The following COL28A1 variants were observed in gnomAD, a reference collection of about 807,000 sequenced individuals.
COL28A1 encodes collagen type XXVIII alpha 1 chain, also known as collagen alpha-1(XXVIII) chain.
COL28A1 carries 161 observed loss-of-function variants against 150.2 expected under a neutral mutation model. The observed-to-expected ratio is 1.07, with a 90% CI of 0.94 to 1.22. The LOEUF is 1.22. Among genes scored for constraint, COL28A1 ranks in the 50% most tolerant of loss-of-function variants. The pLI is 0.00. For synonymous variants in COL28A1, 552 were observed against 469.7 expected, an observed-to-expected ratio of 1.18 and a Z score of -2.26; for missense variants, 1,617 against 1,388.3, an observed-to-expected ratio of 1.16 and a Z score of -2.62.
intron 3 of COL28A1, among the ~76,000 whole-genome samples, chr7:7,528,420 G>A (rs1197228570): frequency 1.3e-5 from 2 of 152,136 alleles, no homozygotes; most frequent in Non-Finnish European, 2.9e-5. Context: ...GAACTAAAAT[G>A]TTTCTATGGG....
chr7:7,344,461 C>A, the COL28A1 span, among the ~76,000 whole-genome samples: 2 of 151,950 alleles, frequency 1.3e-5, no homozygotes, highest in Non-Finnish European at 2.9e-5. Context: ...TTATCTCAAC[C>A]TACTTATAGT....
intron 27 of COL28A1, among the ~76,000 whole-genome samples, chr7:7,389,625 A>G (rs1440156347): frequency 6.6e-6 from 1 of 152,238 alleles, no homozygotes; most frequent in Non-Finnish European, 1.5e-5. Flanking sequence ...CTTCCTGTCC[A>G]TGAGCATGGA....
chr7:7,474,476 A>G, intron 15 of COL28A1, 125 bp downstream of exon 15: 1 of 523,216 alleles, frequency 1.9e-6, no homozygotes, highest in Non-Finnish European at 3.4e-6. Context: ...AATATACTAG[A>G]TTTATAATTA....
intron 1 of COL28A1, among the ~76,000 whole-genome samples, chr7:7,534,668 G>C (rs1167882501): frequency 6.6e-6 from 1 of 152,094 alleles, no homozygotes; most frequent in East Asian, 1.9e-4. Flanking sequence ...TAGAAATACT[G>C]GCTTTAAATA....
rs544935370 is a variant in COL28A1, at chr7:7,501,229, G to A, written c.1026+4785C>T. 3.9e-5 allele frequency among the ~76,000 whole-genome samples: 6 copies of A among 152,326 alleles called. No individual in the cohort carries two copies. In the East Asian group the frequency reaches 1.2e-3, roughly 29 times the overall value. The stretch of plus-strand genomic sequence containing the variant: ...GCAGGAATATTATGAACGTCCTAGA[G>A]TAGAACAATGGAAGGAGTTAGGAGA... On this transcript the variant is annotated intron_variant, in intron 11 of 34. Coordinates refer to ENST00000399429, the MANE Select transcript of COL28A1 (RefSeq NM_001037763.3).
chr7:7,360,461 G>A lies in COL28A1; in HGVS notation c.3134C>T (p.Pro1045Leu). ...APEPTWADDL[P>L]ATTSSEATTT... ...GGTGGCCTCAGATGAGGTAGTGGCA[G>A]GCAGATCATCAGCCCACGTTGGCTC... Residue 1045 changes from proline (P) to leucine (L), a missense_variant, in exon 34 of 35, where the codon CCT becomes CTT. Physicochemically the swap from Pro to Leu is moderately conservative, Grantham distance 98. Transcript: ENST00000399429. 6.2e-7 allele frequency: 1 copy of A among 1,609,694 alleles called. No homozygotes were observed. Among genetic ancestry groups the A allele is most frequent in the Non-Finnish European group, 8.5e-7 (1 of 1,178,698 alleles).
At chr7:7,519,794 C>A (rs373683649) in intron 6 of COL28A1, among the ~76,000 whole-genome samples, 1 of 152,110 alleles carries the variant, frequency 6.6e-6, no homozygotes, top group South Asian at 2.1e-4. Context: ...TGGCTGCTAT[C>A]GTTTAAGTAC....
intron 27 of COL28A1, among the ~76,000 whole-genome samples, chr7:7,386,336 T>C (rs1422067961): frequency 6.6e-6 from 1 of 152,220 alleles, no homozygotes; most frequent in Non-Finnish European, 1.5e-5. Context: ...AATGGACATC[T>C]GGCTTCTGCC....
chr7:7,419,784 T>G (rs1385721443), intron 26 of COL28A1, 101 bp downstream of exon 26: 1 of 629,486 alleles, frequency 1.6e-6, no homozygotes, highest in African/African-American at 1.9e-5. Flanking sequence ...AAGAAAAAAA[T>G]AAGTCAACAC....
intron 15 of COL28A1, among the ~76,000 whole-genome samples, chr7:7,463,950 G>A (rs1787845023): frequency 6.6e-6 from 1 of 152,136 alleles, no homozygotes; most frequent in South Asian, 2.1e-4. Flanking sequence ...TAAACTTAAG[G>A]TAAGCTGATG....
chr7:7,338,509 A>G, the COL28A1 span, among the ~76,000 whole-genome samples: 1 of 152,094 alleles, frequency 6.6e-6, no homozygotes, highest in East Asian at 1.9e-4. Context: ...TTATTGGTGT[A>G]TAGAACCGCT....
chr7:7,372,355 C>T (rs984294386), intron 32 of COL28A1, among the ~76,000 whole-genome samples: 1 of 151,592 alleles, frequency 6.6e-6, no homozygotes, highest in East Asian at 2.0e-4. Context: ...GCTGAGATCA[C>T]ACCACAGCAC....
intron 25 of COL28A1, among the ~76,000 whole-genome samples, chr7:7,420,975 A>G (rs558609500): frequency 6.6e-6 from 1 of 152,326 alleles, no homozygotes; most frequent in South Asian, 2.1e-4. Context: ...TGATACAGTC[A>G]TTTCACTCCT....
At chr7:7,495,066 T>C (rs1206221867) in intron 11 of COL28A1, among the ~76,000 whole-genome samples, 3 of 152,110 alleles carry the variant, frequency 2.0e-5, no homozygotes, top group East Asian at 3.9e-4. Context: ...CCAATGCAAG[T>C]AGACAGCGAG....
chr7:7,421,849 G>C (rs1784401500), intron 25 of COL28A1, among the ~76,000 whole-genome samples: 1 of 151,974 alleles, frequency 6.6e-6, no homozygotes. Context: ...TTAGTACTTA[G>C]CTGCTTCTAA....
chr7:7,473,690 C>CA (rs1170693819), intron 15 of COL28A1, among the ~76,000 whole-genome samples: 1 of 152,102 alleles, frequency 6.6e-6, no homozygotes, highest in African/African-American at 2.4e-5. Context: ...TACTGGGTAT[C>CA]TACCCAGAGG....
intron 30 of COL28A1, among the ~76,000 whole-genome samples, chr7:7,375,913 G>A (rs1046883363): frequency 6.6e-6 from 1 of 152,136 alleles, no homozygotes; most frequent in Admixed American, 6.5e-5. Context: ...CACATGTGCT[G>A]AGCAACCAAG....
intron 7 of COL28A1, among the ~76,000 whole-genome samples, chr7:7,516,490 T>C (rs1168034455): frequency 6.6e-6 from 1 of 152,188 alleles, no homozygotes; most frequent in Non-Finnish European, 1.5e-5. Context: ...GCCTTTTCCA[T>C]TGTGTCACTG....
chr7:7,418,632 A>T (rs1044330154), intron 26 of COL28A1, among the ~76,000 whole-genome samples: 1 of 152,216 alleles, frequency 6.6e-6, no homozygotes, highest in African/African-American at 2.4e-5. Context: ...TGGATGGAAG[A>T]AGCCTTCAGA....
Sources: allele counts gnomAD v4.1 joint callset (sites outside exome capture counted in the v4.1 genomes callset), GRCh38; gene constraint gnomAD v4.1.1; transcripts MANE v1.5; gene names NCBI Gene and HGNC (gene_info 2026-07-23, HGNC 2026-07-21).